PDE4D: variants seen among roughly 807,000 people sequenced by gnomAD.
PDE4D encodes the protein 3',5'-cyclic-AMP phosphodiesterase 4D.
A neutral mutation model predicts 87.4 loss-of-function variants in PDE4D; 24 were observed. The observed-to-expected ratio is 0.27, with a 90% CI of 0.20 to 0.39. The LOEUF (loss-of-function observed/expected upper bound fraction) is 0.39. PDE4D is among the 10% of genes least tolerant of loss of function. The pLI is 1.00. For synonymous variants in PDE4D, 384 were observed against 383.2 expected, an observed-to-expected ratio of 1.00 and a Z score of -0.02; for missense variants, 714 against 1,041.0, an observed-to-expected ratio of 0.69 and a Z score of 4.32.
chr5:58,991,743 C>A, intron 8 of PDE4D, 89 bp downstream of exon 8: 1 of 829,470 alleles, frequency 1.2e-6, no homozygotes, highest in Non-Finnish European at 1.7e-6. Context: ...AATTAATAAA[C>A]TTTTCTATCC....
rs537881943 is a variant in PDE4D, at chr5:59,104,637, C to T, written c.809-65666G>A. 4.7e-5 allele frequency among the ~76,000 whole-genome samples: 7 copies of T among 150,470 alleles called. No individual in the cohort carries two copies. In the East Asian group the frequency reaches 7.9e-4, roughly 17 times the overall value. ...AGTAAGTAGAAAAAGAATTACTTTG[C>T]GTTTTATTCAATAGAAGAAAGGAAA... On this transcript the variant is annotated intron_variant, in intron 5 of 14. Coordinates refer to ENST00000340635, the MANE Select transcript of PDE4D (RefSeq NM_001104631.2).
intron 1 of PDE4D, chr5:59,586,504 C>T: frequency 1.1e-5 from 12 of 1,097,432 alleles, no homozygotes; most frequent in Admixed American, 7.1e-5. Flanking sequence ...GTATTGAATC[C>T]CAAAAAAAAA....
chr5:59,874,617 T>C (rs571771698), intron 1 of PDE4D, among the ~76,000 whole-genome samples: 1 of 152,318 alleles, frequency 6.6e-6, no homozygotes, highest in Admixed American at 6.5e-5. Flanking sequence ...AAAGTAATAT[T>C]ATATGTAAAA....
intron 1 of PDE4D, among the ~76,000 whole-genome samples, chr5:59,355,469 T>C (rs1781234160): frequency 6.6e-6 from 1 of 152,180 alleles, no homozygotes; most frequent in Admixed American, 6.5e-5. Flanking sequence ...CACAGTAATG[T>C]TAGCAAATCA....
At chr5:59,244,536 C>CTA (rs1002653595) in intron 1 of PDE4D, among the ~76,000 whole-genome samples, 4 of 149,814 alleles carry the variant, frequency 2.7e-5, no homozygotes, top group African/African-American at 7.4e-5. Flanking sequence ...GTCTCTCTCT[C>CTA]TATATACACA....
In PDE4D at chr5:60,309,296, G is replaced by C. The variant is rs370097742; in HGVS notation, c.-89-123609C>G. Among the ~76,000 whole-genome samples, 11 of 152,178 alleles carry C rather than the reference G, an allele frequency of 7.2e-5. No homozygotes were observed. The East Asian group carries it at 1.5e-3, about 21-fold the overall frequency. On this transcript the variant is annotated intron_variant, in intron 1 of 16. Coordinates refer to the PDE4D transcript ENST00000502484. Reference sequence around the variant, plus strand: ...TTAAATTCAGATTACAATGAATTCTGTTTCCTACAACTTCCATTCTCAAAA... The same window carrying C: ...TTAAATTCAGATTACAATGAATTCTCTTTCCTACAACTTCCATTCTCAAAA...
chr5:59,031,707 CAAAAAA>C (rs70973183), intron 6 of PDE4D, among the ~76,000 whole-genome samples: 1 of 16,682 alleles, frequency 6.0e-5, no homozygotes, highest in Admixed American at 8.4e-4. Context: ...GACTCCACCT[CAAAAAA>C]AAAAAAAAAA....
chr5:60,316,897 T>C (rs559163737), intron 1 of PDE4D, among the ~76,000 whole-genome samples: 2 of 152,328 alleles, frequency 1.3e-5, no homozygotes, highest in South Asian at 2.1e-4. Context: ...GCCAATATTT[T>C]ATTGAGGATT....
intron 1 of PDE4D, among the ~76,000 whole-genome samples, chr5:59,336,911 AT>A (rs1354804688): frequency 6.6e-6 from 1 of 152,180 alleles, no homozygotes; most frequent in Non-Finnish European, 1.5e-5. Flanking sequence ...TCAGGAATCT[AT>A]TTACTCAATG....
chr5:59,151,593 T>C (rs1442406830), intron 5 of PDE4D, among the ~76,000 whole-genome samples: 2 of 152,178 alleles, frequency 1.3e-5, no homozygotes, highest in Non-Finnish European at 2.9e-5. Context: ...TTCCTCTTTA[T>C]AATCACTGAT....
intron 1 of PDE4D, among the ~76,000 whole-genome samples, chr5:60,315,498 C>A (rs1041687220): frequency 1.3e-5 from 2 of 152,128 alleles, no homozygotes; most frequent in African/African-American, 4.8e-5. Flanking sequence ...TAACTAGATC[C>A]CATTTGTCAA....
intron 1 of PDE4D, among the ~76,000 whole-genome samples, chr5:60,227,917 C>CT (rs997545669): frequency 6.6e-6 from 1 of 152,022 alleles, no homozygotes; most frequent in African/African-American, 2.4e-5. Context: ...CGTCACATCA[C>CT]TTTTTCCCTA....
At chr5:60,105,292 C>G (rs57155625) in intron 2 of PDE4D, among the ~76,000 whole-genome samples, 1 of 151,790 alleles carries the variant, frequency 6.6e-6, no homozygotes, top group Non-Finnish European at 1.5e-5. Flanking sequence ...TGAAATGAAG[C>G]GAGAAGGGAA....
chr5:59,546,330 A>C lies in PDE4D; in HGVS notation c.456-330362T>G, dbSNP rs192246791. ...ACAAAGCCAAAAGTGCGTTGCGCTCATCAAAATCATAGTGAGCTAGGGTAT... is the reference window on the plus strand; with the variant it reads ...ACAAAGCCAAAAGTGCGTTGCGCTCCTCAAAATCATAGTGAGCTAGGGTAT... On this transcript the variant is annotated intron_variant, in intron 1 of 14. Transcript: ENST00000340635. 2.6e-5 allele frequency among the ~76,000 whole-genome samples: 4 copies of C among 152,286 alleles called. No homozygotes were observed. In the East Asian group the frequency reaches 7.7e-4, roughly 29 times the overall value.
intron 3 of PDE4D, among the ~76,000 whole-genome samples, chr5:59,949,012 G>T (rs1029522338): frequency 7.9e-5 from 12 of 152,154 alleles, no homozygotes; most frequent in African/African-American, 2.9e-4. Flanking sequence ...ACTCATCCAG[G>T]ATTATACTGC....
intron 1 of PDE4D, among the ~76,000 whole-genome samples, chr5:60,237,584 A>G (rs1746571363): frequency 6.6e-6 from 1 of 152,020 alleles, no homozygotes; most frequent in East Asian, 1.9e-4. Context: ...GAGATGAAGA[A>G]CATATTAGGT....
At chr5:60,240,722 C>T (rs1293838724) in intron 1 of PDE4D, among the ~76,000 whole-genome samples, 4 of 152,090 alleles carry the variant, frequency 2.6e-5, no homozygotes, top group Non-Finnish European at 4.4e-5. Context: ...CGGAAGAGAA[C>T]AATAATCTCT....
At chr5:59,667,782 A>T (rs1746323164) in intron 1 of PDE4D, among the ~76,000 whole-genome samples, 2 of 152,024 alleles carry the variant, frequency 1.3e-5, no homozygotes, top group Admixed American at 1.3e-4. Context: ...AGTCTAACCC[A>T]CTAGTCTTAT....
At chr5:60,279,048 T>G (rs1441000982) in intron 1 of PDE4D, among the ~76,000 whole-genome samples, 1 of 152,212 alleles carries the variant, frequency 6.6e-6, no homozygotes, top group African/African-American at 2.4e-5. Context: ...CTCTGACACT[T>G]CTCTGGCAGG....
Sources: gnomAD v4.1 joint callset for allele counts (sites outside exome capture counted in the v4.1 genomes callset) on GRCh38, gnomAD v4.1.1 for gene constraint, MANE v1.5 for transcripts, NCBI Gene and HGNC (gene_info 2026-07-23, HGNC 2026-07-21) for gene names.